The following GTF2I variants were observed in gnomAD, a reference collection of about 807,000 sequenced individuals.
GTF2I encodes general transcription factor II-I.
In GTF2I, 12 loss-of-function variants were observed where a neutral mutation model predicts 67.6. The ratio of observed to expected loss-of-function variants is 0.18; its 90% CI spans 0.11 to 0.29. The LOEUF is 0.29. Among genes scored for constraint, GTF2I ranks in the 10% least tolerant of loss-of-function variants. The probability of loss-of-function intolerance (pLI) is 1.00; values close to 1 mark genes in which losing one functional copy is unlikely to be tolerated. For missense variants in GTF2I, 271 were observed against 580.1 expected, an observed-to-expected ratio of 0.47 and a Z score of 5.47; for synonymous variants, 149 against 197.0, an observed-to-expected ratio of 0.76 and a Z score of 2.04.
chr7:74,687,707 A>G lies in GTF2I; in HGVS notation c.-5-1417A>G, dbSNP rs995698595. Reference sequence around the variant, plus strand: ...AAAAGATTTACTGACATTTTTAGGCATAACAGTTTTCTGCTGACAGCTCCT... The same window carrying G: ...AAAAGATTTACTGACATTTTTAGGCGTAACAGTTTTCTGCTGACAGCTCCT... On this transcript the variant is annotated intron_variant, in intron 1 of 34. Transcript: ENST00000573035. 3.7e-5 allele frequency: 11 copies of G among 298,494 alleles called. No homozygotes were observed. The South Asian group carries it at 1.0e-3, about 28-fold the overall frequency. 18.5% of individuals were successfully genotyped at this position (298,494 alleles called of 1,614,324 possible).
intron 1 of GTF2I, among the ~76,000 whole-genome samples, chr7:74,664,595 G>A (rs893732044): frequency 1.5e-4 from 22 of 151,486 alleles, no homozygotes; most frequent in African/African-American, 5.3e-4. Context: ...CACCATGCCC[G>A]GCTAATTTTT....
intron 12 of GTF2I, among the ~76,000 whole-genome samples, chr7:74,723,579 C>A (rs999050407): frequency 6.6e-6 from 1 of 151,542 alleles, no homozygotes; most frequent in African/African-American, 2.4e-5. Flanking sequence ...TACAGGCACA[C>A]GCCACCATGT....
chr7:74,687,522 G>A (rs1272696592), intron 1 of GTF2I: 1 of 983,378 alleles, frequency 1.0e-6, no homozygotes, highest in African/African-American at 1.7e-5. Context: ...CACGCCCAGT[G>A]GATTATGGTT....
At chr7:74,709,052 A>C (rs1554402072) in intron 8 of GTF2I, among the ~76,000 whole-genome samples, 1 of 152,196 alleles carries the variant, frequency 6.6e-6, no homozygotes, top group African/African-American at 2.4e-5. Context: ...TCTCTAGTCT[A>C]ATGGACAAAT....
At chr7:74,660,888 A>G (rs932699829) in intron 1 of GTF2I, among the ~76,000 whole-genome samples, 4 of 151,492 alleles carry the variant, frequency 2.6e-5, no homozygotes, top group Admixed American at 6.6e-5. Flanking sequence ...TTCTCCCTCC[A>G]CTTCCCCCTC....
At chr7:74,695,300 T>A (rs1788777357) in intron 3 of GTF2I, among the ~76,000 whole-genome samples, 2 of 152,224 alleles carry the variant, frequency 1.3e-5, no homozygotes, top group African/African-American at 2.4e-5. Context: ...TTTGGAGGAT[T>A]GACTCCAATT....
intron 12 of GTF2I, chr7:74,727,425 T>G (rs1554405943): frequency 6.6e-6 from 1 of 152,234 alleles, no homozygotes; most frequent in Non-Finnish European, 1.5e-5. Flanking sequence ...ACCCTCGTAG[T>G]CTAGTGGAGT....
intron 1 of GTF2I, among the ~76,000 whole-genome samples, chr7:74,681,925 A>AG (rs1380411059): frequency 6.6e-6 from 1 of 151,958 alleles, no homozygotes; most frequent in Non-Finnish European, 1.5e-5. Context: ...AAAAAAAAAA[A>AG]GTAATGGGAG....
intron 9 of GTF2I, among the ~76,000 whole-genome samples, chr7:74,713,395 T>C (rs1313450691): frequency 6.6e-6 from 1 of 152,088 alleles, no homozygotes; most frequent in East Asian, 1.9e-4. Flanking sequence ...ACCAATGATA[T>C]ACGTCTAGCT....
At chr7:74,667,168 A>C (rs1056992705) in intron 1 of GTF2I, among the ~76,000 whole-genome samples, 11 of 151,928 alleles carry the variant, frequency 7.2e-5, no homozygotes, top group Non-Finnish European at 1.6e-4. Context: ...AAACAAAAAA[A>C]CACATCTCTA....
At chr7:74,662,569 C>T (rs10253955) in intron 1 of GTF2I, among the ~76,000 whole-genome samples, 23,047 of 132,866 alleles carry the variant, frequency 0.17, 3,830 homozygotes, top group African/African-American at 0.45. Flanking sequence ...ATCGCCCAGG[C>T]GGGAGTGTAG....
At chr7:74,724,123 T>C (rs1335014437) in intron 12 of GTF2I, among the ~76,000 whole-genome samples, 2 of 152,274 alleles carry the variant, frequency 1.3e-5, no homozygotes, top group Middle Eastern at 6.8e-3. Flanking sequence ...TTGAACACTT[T>C]GTTTTAAATT....
At chr7:74,693,848 GA>G (rs199645413) in intron 3 of GTF2I, among the ~76,000 whole-genome samples, 4 of 149,534 alleles carry the variant, frequency 2.7e-5, no homozygotes, top group South Asian at 2.1e-4. Context: ...CCGTCTCAAC[GA>G]AAAAAAAAGG....
chr7:74,711,062 TA>T lies in GTF2I; in HGVS notation c.719del (p.Lys240ArgfsTer72). 1 of 1,542,298 alleles carries T rather than the reference TA, an allele frequency of 6.5e-7. No individual in the cohort carries two copies. Among genetic ancestry groups the T allele is most frequent in the Non-Finnish European group, 8.8e-7 (1 of 1,132,514 alleles). On this transcript the variant is annotated frameshift_variant, in exon 9 of 35. Transcript: ENST00000573035. LOFTEE classifies it high-confidence loss of function. Reference sequence around the variant, plus strand: ...TCCCTGGAAATGGCAGCTGTGACAGTAAAGGAAGAATCAGAAGATCCTGATT... The same window carrying T: ...TCCCTGGAAATGGCAGCTGTGACAGTAAGGAAGAATCAGAAGATCCTGATT... Reference protein sequence around the residue: ...GISLEMAAVTVKEESEDPDYY... With the variant: ...GISLEMAAVTXKEESEDPDYY...
intron 12 of GTF2I, chr7:74,726,941 T>TAGATAGAA (rs1227786058): frequency 6.8e-6 from 1 of 146,442 alleles, no homozygotes; most frequent in East Asian, 2.0e-4. Context: ...GATAGATAGA[T>TAGATAGAA]AGAAAGAATG....
At chr7:74,711,587 T>G (rs142772362) in intron 9 of GTF2I, among the ~76,000 whole-genome samples, 1 of 152,174 alleles carries the variant, frequency 6.6e-6, no homozygotes, top group East Asian at 1.9e-4. Flanking sequence ...CCCCTTGTTA[T>G]TCATTGCCCT....
intron 1 of GTF2I, among the ~76,000 whole-genome samples, chr7:74,678,411 T>C (rs1314794287): frequency 1.3e-5 from 2 of 152,138 alleles, no homozygotes; most frequent in Admixed American, 6.6e-5. Flanking sequence ...ATGCAAAACA[T>C]TGAGTTAAGA....
intron 3 of GTF2I, among the ~76,000 whole-genome samples, chr7:74,697,054 A>T (rs1005665687): frequency 2.6e-5 from 4 of 152,210 alleles, no homozygotes; most frequent in African/African-American, 9.6e-5. Context: ...TTTTACTGGT[A>T]ATACTTTAAC....
At chr7:74,658,906 G>T (rs2131162333) in intron 1 of GTF2I, among the ~76,000 whole-genome samples, 1 of 152,278 alleles carries the variant, frequency 6.6e-6, no homozygotes, top group Middle Eastern at 3.4e-3. Flanking sequence ...TCTCCTTCCC[G>T]CTCCCCGACT....
Sources: gnomAD v4.1 joint callset for allele counts (sites outside exome capture counted in the v4.1 genomes callset) on GRCh38, gnomAD v4.1.1 for gene constraint, MANE v1.5 for transcripts, NCBI Gene and HGNC (gene_info 2026-07-23, HGNC 2026-07-21) for gene names.